The following SLC10A7 variants were observed in gnomAD, a reference collection of about 807,000 sequenced individuals.
The protein encoded by SLC10A7 is solute carrier family 10 member 7.
A neutral mutation model predicts 43.2 loss-of-function variants in SLC10A7; 29 were observed. The observed-to-expected ratio is 0.67, with a 90% confidence interval of 0.50 to 0.92. The LOEUF (loss-of-function observed/expected upper bound fraction) is 0.92, where lower values mean the gene tolerates loss of function less well. SLC10A7 is among the 40% of genes least tolerant of loss of function. The probability of loss-of-function intolerance (pLI) is 0.00; values close to 1 mark genes in which losing one functional copy is unlikely to be tolerated. For synonymous variants in SLC10A7, 152 were observed against 144.8 expected, an observed-to-expected ratio of 1.05 and a Z score of -0.35; for missense variants, 295 against 403.2, an observed-to-expected ratio of 0.73 and a Z score of 2.30.
At chr4:146,518,296 AAAATGTTTAG>A (rs1398386794) in intron 1 of SLC10A7, among the ~76,000 whole-genome samples, 3 of 152,204 alleles carry the variant, frequency 2.0e-5, no homozygotes, top group Non-Finnish European at 4.4e-5. Flanking sequence ...TGGACATTTG[AAAATGTTTAG>A]AAATGTTTTT....
chr4:146,455,390 G>T (rs552564591), intron 4 of SLC10A7, among the ~76,000 whole-genome samples: 24 of 151,954 alleles, frequency 1.6e-4, no homozygotes, highest in African/African-American at 5.3e-4. Flanking sequence ...AATTGGCCAA[G>T]AATTCCCCTA....
At chr4:146,505,217 C>T (rs906997835) in intron 3 of SLC10A7, among the ~76,000 whole-genome samples, 4 of 152,142 alleles carry the variant, frequency 2.6e-5, no homozygotes, top group Non-Finnish European at 5.9e-5. Flanking sequence ...AGACTTCTTC[C>T]TCTTCATTAG....
At chr4:146,292,878 G>T in intron 9 of SLC10A7, 51 bp downstream of exon 9, 3 of 1,317,404 alleles carry the variant, frequency 2.3e-6, no homozygotes, top group South Asian at 1.3e-5. Flanking sequence ...CAAGTAGACC[G>T]CATGATTCCT....
chr4:146,509,778 G>A (rs1282371732), intron 3 of SLC10A7, 135 bp downstream of exon 3: 1 of 715,524 alleles, frequency 1.4e-6, no homozygotes, highest in Non-Finnish European at 2.1e-6. Flanking sequence ...TGTTTTAAAG[G>A]AAAACAAAGA....
intron 1 of SLC10A7, among the ~76,000 whole-genome samples, chr4:146,519,164 A>G (rs1295034777): frequency 7.4e-6 from 1 of 135,380 alleles, no homozygotes; most frequent in Non-Finnish European, 1.6e-5. Flanking sequence ...TATATAATAT[A>G]TGATACAATA....
chr4:146,385,469 T>G (rs892025704), intron 5 of SLC10A7, among the ~76,000 whole-genome samples: 3 of 152,214 alleles, frequency 2.0e-5, no homozygotes, highest in East Asian at 1.9e-4. Flanking sequence ...TTGATTCTCC[T>G]GTGTCATTTC....
chr4:146,305,675 A>T (rs1578840049), intron 7 of SLC10A7, among the ~76,000 whole-genome samples: 1 of 152,064 alleles, frequency 6.6e-6, no homozygotes, highest in East Asian at 1.9e-4. Context: ...AAAAATCAAG[A>T]CTCTGTGTAG....
chr4:146,373,134 A>T (rs746390428), intron 5 of SLC10A7, among the ~76,000 whole-genome samples: 6 of 152,200 alleles, frequency 3.9e-5, no homozygotes, highest in Non-Finnish European at 5.9e-5. Flanking sequence ...ATTTTAAAGC[A>T]AAAGGCTGAT....
intron 5 of SLC10A7, among the ~76,000 whole-genome samples, chr4:146,401,555 C>T (rs1214923463): frequency 6.6e-6 from 1 of 152,150 alleles, no homozygotes; most frequent in Non-Finnish European, 1.5e-5. Context: ...TTGCATGCCT[C>T]TTACACGCCA....
At chr4:146,439,579 C>T (rs1393889634) in intron 5 of SLC10A7, among the ~76,000 whole-genome samples, 1 of 151,998 alleles carries the variant, frequency 6.6e-6, no homozygotes. Flanking sequence ...ATAGTCACAC[C>T]CACAAACATT....
chr4:146,506,657 G>A (rs535743279), intron 3 of SLC10A7, among the ~76,000 whole-genome samples: 1 of 151,920 alleles, frequency 6.6e-6, no homozygotes, highest in Non-Finnish European at 1.5e-5. Context: ...TACCTCTCAG[G>A]CCACTCTAAT....
At chr4:146,406,609 A>T (rs2149824427) in intron 5 of SLC10A7, among the ~76,000 whole-genome samples, 1 of 152,230 alleles carries the variant, frequency 6.6e-6, no homozygotes. Flanking sequence ...TTGCCAGAAC[A>T]TTCTTGCCAA....
chr4:146,297,431 A>G (rs556761819), intron 7 of SLC10A7, among the ~76,000 whole-genome samples: 50 of 152,334 alleles, frequency 3.3e-4, no homozygotes, highest in African/African-American at 1.1e-3. Flanking sequence ...TCTTAGGTGT[A>G]GAATGTTGAT....
rs1180679793 is a variant in SLC10A7 at position 146,365,647 on chromosome 4, T to G, written c.436-39651A>C. Among the ~76,000 whole-genome samples, 4 of 152,254 alleles carry G rather than the reference T, an allele frequency of 2.6e-5. No homozygotes were observed. In the East Asian group the frequency reaches 7.7e-4, roughly 29 times the overall value. The stretch of plus-strand genomic sequence containing the variant: ...ACTTGAAAGTTCTGCTTAGGCTTTA[T>G]AAGATAGACAAGTATGTATTTACTG... On this transcript the variant is annotated intron_variant, in intron 5 of 11. Coordinates refer to ENST00000335472, the MANE Select transcript of SLC10A7 (RefSeq NM_001029998.6).
chr4:146,412,496 T>C (rs1056558932), intron 5 of SLC10A7, among the ~76,000 whole-genome samples: 2 of 152,146 alleles, frequency 1.3e-5, no homozygotes, highest in African/African-American at 4.8e-5. Flanking sequence ...ATGATGTTCT[T>C]CTAGCTTAGC....
At chr4:146,375,114 G>A (rs865901370) in intron 5 of SLC10A7, among the ~76,000 whole-genome samples, 1 of 152,180 alleles carries the variant, frequency 6.6e-6, no homozygotes. Context: ...GCTGAGGCAG[G>A]AGAGTCACTT....
At position 146,263,815 on chromosome 4, in the gene SLC10A7, G is replaced by A. The variant is rs76322425; in HGVS notation, c.848-4978C>T. ...TAATACAATGCATTGTCTGAAAGAT[G>A]TTAGAAGGCACATATTGTAAATGGA... On this transcript the variant is annotated intron_variant, in intron 10 of 11. Coordinates refer to ENST00000335472, the MANE Select transcript of SLC10A7 (RefSeq NM_001029998.6). Among the ~76,000 whole-genome samples the A allele has an allele frequency of 9.1e-3, 1,390 of 152,324 alleles. 25 individuals carry two copies. Among genetic ancestry groups the A allele is most frequent in the African/African-American group, 0.031 (1,301 of 41,578 alleles).
At chr4:146,304,692 G>A (rs916668182) in intron 7 of SLC10A7, among the ~76,000 whole-genome samples, 1 of 152,122 alleles carries the variant, frequency 6.6e-6, no homozygotes, top group Non-Finnish European at 1.5e-5. Context: ...TTTTGGAATA[G>A]GTGTGGTGTG....
At chr4:146,446,331 C>T (rs1731071234) in intron 4 of SLC10A7, among the ~76,000 whole-genome samples, 1 of 152,174 alleles carries the variant, frequency 6.6e-6, no homozygotes, top group Non-Finnish European at 1.5e-5. Context: ...AATCCCAGCA[C>T]TTTGGGAGGC....
Sources: gnomAD v4.1 joint callset for allele counts (sites outside exome capture counted in the v4.1 genomes callset) on GRCh38, gnomAD v4.1.1 for gene constraint, MANE v1.5 for transcripts, NCBI Gene and HGNC (gene_info 2026-07-23, HGNC 2026-07-21) for gene names.